MACF1: variants seen among roughly 807,000 people sequenced by gnomAD.
The protein encoded by MACF1 is microtubule actin crosslinking factor 1, also known as microtubule-actin cross-linking factor 1.
Under a neutral mutation model 854.8 loss-of-function variants are expected in MACF1, and 193 were observed. The observed-to-expected ratio is 0.23, with a 90% CI of 0.20 to 0.25. The LOEUF is 0.25. Among genes scored for constraint, MACF1 ranks in the 10% least tolerant of loss-of-function variants. The probability of loss-of-function intolerance (pLI) is 1.00; values close to 1 mark genes in which losing one functional copy is unlikely to be tolerated. For synonymous variants in MACF1, 3,185 were observed against 3,226.7 expected, an observed-to-expected ratio of 0.99 and a Z score of 0.44; for missense variants, 7,722 against 8,929.1, an observed-to-expected ratio of 0.86 and a Z score of 5.45.
chr1:39,294,353 A>G (rs1645856712), intron 18 of MACF1, among the ~76,000 whole-genome samples: 2 of 152,332 alleles, frequency 1.3e-5, no homozygotes, highest in South Asian at 4.1e-4. Flanking sequence ...GATTTTGTAA[A>G]CTATGCAAAT....
intron 49 of MACF1, 145 bp from the exon 50 acceptor site, chr1:39,368,002 TG>T (rs1477446189): frequency 1.8e-5 from 10 of 560,782 alleles, no homozygotes; most frequent in South Asian, 3.2e-5. Context: ...AATGTTTGTT[TG>T]TTTTTTTTAA....
rs932419891 is a variant in MACF1, at chr1:39,105,321, A to AGCC, written c.220+20896_220+20898dup. 21 of 811,958 alleles carry AGCC rather than the reference A, an allele frequency of 2.6e-5. No individual in the cohort carries two copies. The highest frequency in any genetic ancestry group is 6.3e-5 in the Admixed American group (1 of 15,878). The allele number at this position is 811,958 out of a possible 1,614,324, so 50.3% of individuals were successfully genotyped here. Reference sequence around the variant, plus strand: ...CGGGCCTGGCGCTCCTGACAGGAGGAGCCGCCGCCGCCGCCCGCCGCTGCA... The same window carrying AGCC: ...CGGGCCTGGCGCTCCTGACAGGAGGAGCCGCCGCCGCCGCCGCCCGCCGCTGCA... On this transcript the variant is annotated intron_variant, in intron 2 of 93. Transcript: ENST00000361689. This position sits in a 1 kb window ranked among gnomAD's most constrained non-coding sequence, Gnocchi z 5.9.
At chr1:39,263,771 CTTTTTTTTTTTTT>C (rs11453750) in intron 6 of MACF1, among the ~76,000 whole-genome samples, 2 of 100,166 alleles carry the variant, frequency 2.0e-5, no homozygotes, top group South Asian at 3.4e-4. Context: ...TTTCTTTTTT[CTTTTTTTTTTTTT>C]TTTTTTTGAG....
chr1:39,334,862 G>C lies in MACF1; in HGVS notation c.8274G>C (p.Met2758Ile). ...KRLISPELANMIQIDSSEFSD... is the reference protein window; with the variant it reads ...KRLISPELANIIQIDSSEFSD... ...TGATCAGCCCTGAACTGGCAAATAT[G>C]ATCCAAATAGATAGTTCAGAGTTCA... is the stretch of plus-strand genomic sequence containing the variant. Residue 2758 changes from methionine to isoleucine, a missense_variant, in exon 37 of 101, where the codon ATG becomes ATC. Met to Ile is a conservative substitution (Grantham distance 10). Coordinates refer to ENST00000564288, the MANE Select transcript of MACF1 (RefSeq NM_001394062.1). 1 of 1,614,154 alleles carries C rather than the reference G, an allele frequency of 6.2e-7. No individual in the cohort carries two copies. The highest frequency in any genetic ancestry group is 1.1e-5 in the South Asian group (1 of 91,080).
At chr1:39,111,993 C>T (rs1360977994) in intron 2 of MACF1, among the ~76,000 whole-genome samples, 1 of 152,010 alleles carries the variant, frequency 6.6e-6, no homozygotes, top group African/African-American at 2.4e-5. Context: ...TTGGACTGGT[C>T]TTAGCAACCT....
chr1:39,173,166 C>G (rs1478959218), intron 2 of MACF1, among the ~76,000 whole-genome samples: 1 of 151,932 alleles, frequency 6.6e-6, no homozygotes, highest in African/African-American at 2.4e-5. Flanking sequence ...ATGGTGAAAT[C>G]CCGTCTCTAC....
chr1:39,167,718 A>G (rs995500629), intron 2 of MACF1, among the ~76,000 whole-genome samples: 12 of 151,488 alleles, frequency 7.9e-5, no homozygotes, highest in African/African-American at 2.9e-4. Flanking sequence ...AAAAAGAAAA[A>G]AAAAAATTAG....
chr1:39,343,056 T>C (rs4551585), intron 40 of MACF1, among the ~76,000 whole-genome samples: 2 of 152,174 alleles, frequency 1.3e-5, no homozygotes, highest in Admixed American at 1.3e-4. Flanking sequence ...TTGCTTTTCT[T>C]CTTCTTAAGC....
At chr1:39,459,272 T>C (rs756528472) in intron 91 of MACF1, 23 bp downstream of exon 91, 14 of 1,589,480 alleles carry the variant, frequency 8.8e-6, no homozygotes, top group African/African-American at 1.4e-5. Context: ...TGAGTGGCCT[T>C]CCCTGAAACA....
intron 2 of MACF1, among the ~76,000 whole-genome samples, chr1:39,159,823 G>A (rs1643760064): frequency 6.6e-6 from 1 of 152,152 alleles, no homozygotes; most frequent in East Asian, 1.9e-4. Flanking sequence ...ACCATGGGGT[G>A]TGGAGAGAGT....
intron 33 of MACF1, 81 bp from the exon 34 acceptor site, chr1:39,324,112 A>C: frequency 1.4e-6 from 2 of 1,399,130 alleles, no homozygotes; most frequent in Non-Finnish European, 1.9e-6. Flanking sequence ...TTTTAGGAAG[A>C]CTTCATTTAA....
At chr1:39,422,668 C>G in intron 59 of MACF1, 62 bp from the exon 60 acceptor site, 2 of 1,556,170 alleles carry the variant, frequency 1.3e-6, no homozygotes, top group Non-Finnish European at 8.8e-7. Context: ...TAAAAGAGGT[C>G]AGTAGTAATT....
At chr1:39,273,617 G>T (rs1364161205) in intron 6 of MACF1, among the ~76,000 whole-genome samples, 2 of 149,806 alleles carry the variant, frequency 1.3e-5, no homozygotes, top group Non-Finnish European at 3.0e-5. Flanking sequence ...CTTTTTTTTT[G>T]AGACGGAGTC....
intron 95 of MACF1, chr1:39,467,841 G>A (rs1014356160): frequency 2.0e-5 from 3 of 152,148 alleles, no homozygotes; most frequent in Admixed American, 6.5e-5. Context: ...TTGTAATGAT[G>A]CTTTGCAAAG....
intron 2 of MACF1, among the ~76,000 whole-genome samples, chr1:39,189,221 C>T (rs1027089867): frequency 6.6e-6 from 1 of 152,214 alleles, no homozygotes; most frequent in African/African-American, 2.4e-5. Context: ...TTCTGCAGTA[C>T]AATTTACCTT....
Position 39,318,546 on chromosome 1 carries a change from G to A in MACF1, c.3876G>A (p.Gln1292=), listed in dbSNP as rs747974234. ...AGTGGATTGAGGAAACCACTGCCCA[G>A]CAGGAAATGATGAAGCCAGGCCAGG... is the stretch of plus-strand genomic sequence containing the variant. ...LIKWIEETTA[Q]QEMMKPGQAE... is the part of the protein sequence containing the mutation. Residue 1292 remains glutamine (Q), a synonymous_variant, in exon 30 of 101, where the codon CAG becomes CAA. Transcript: ENST00000564288. The A allele has an allele frequency of 2.5e-6, 4 of 1,613,884 alleles. No homozygotes were observed. The highest frequency in any genetic ancestry group is 3.3e-5 in the Admixed American group (2 of 59,980).
intron 58 of MACF1, among the ~76,000 whole-genome samples, chr1:39,421,848 G>A (rs1043930234): frequency 6.6e-6 from 1 of 152,206 alleles, no homozygotes; most frequent in African/African-American, 2.4e-5. Flanking sequence ...GCCGAGGAGG[G>A]CGGATCACGA....
At chr1:39,471,940 C>A (rs1045278999) in intron 97 of MACF1, among the ~76,000 whole-genome samples, 5 of 152,134 alleles carry the variant, frequency 3.3e-5, no homozygotes, top group African/African-American at 1.2e-4. Flanking sequence ...GAACTCTCTT[C>A]ATCTTGTAAA....
At chr1:39,331,109 A>G in intron 36 of MACF1, 94 bp from the exon 37 acceptor site, 1 of 1,406,194 alleles carries the variant, frequency 7.1e-7, no homozygotes, top group Non-Finnish European at 9.2e-7. Context: ...TCTTTGAATG[A>G]CTCCTTTCAA....
Sources: allele counts gnomAD v4.1 joint callset (sites outside exome capture counted in the v4.1 genomes callset), GRCh38; gene constraint gnomAD v4.1.1; non-coding constraint Gnocchi (gnomAD v3.1); transcripts MANE v1.5; gene names NCBI Gene and HGNC (gene_info 2026-07-23, HGNC 2026-07-21).